Variants in POLR2F observed in about 807,000 individuals in gnomAD.
POLR2F encodes DNA-directed RNA polymerases I, II, and III subunit RPABC2.
In POLR2F, 12 loss-of-function variants were observed where a neutral mutation model predicts 22.7. That is an observed-to-expected ratio of 0.53 (90% CI 0.34 to 0.86). POLR2F has a LOEUF of 0.86. Ranked by LOEUF, POLR2F falls within the 40% of genes least tolerant of loss-of-function variation. The probability of loss-of-function intolerance (pLI) is 0.02; values close to 1 mark genes in which losing one functional copy is unlikely to be tolerated. For synonymous variants in POLR2F, 57 were observed against 66.0 expected, an observed-to-expected ratio of 0.86 and a Z score of 0.66; for missense variants, 126 against 171.5, an observed-to-expected ratio of 0.73 and a Z score of 1.48.
Position 37,997,100 on chromosome 22 carries a change from G to T in POLR2F, c.120+10788G>T, listed in dbSNP as rs949661079. On this transcript the variant is annotated intron_variant, in intron 1 of 2. Coordinates refer to the POLR2F transcript ENST00000333418. This position sits in a 1 kb window ranked among gnomAD's most constrained non-coding sequence, Gnocchi z 4.4. Reference sequence around the variant, plus strand: ...ACAGGTGGCAGGCCGTAGGGAGCAGGGTGCTGCCTGGGGAGGGTGTGTGCT... The same window carrying T: ...ACAGGTGGCAGGCCGTAGGGAGCAGTGTGCTGCCTGGGGAGGGTGTGTGCT... Among the ~76,000 whole-genome samples, 1 of 152,032 alleles carries T rather than the reference G, an allele frequency of 6.6e-6. No homozygotes were observed. Among genetic ancestry groups the T allele is most frequent in the African/African-American group, 2.4e-5 (1 of 41,392 alleles).
At chr22:37,977,539 C>G (rs1004891901) in intron 4 of POLR2F, among the ~76,000 whole-genome samples, 1 of 152,052 alleles carries the variant, frequency 6.6e-6, no homozygotes, top group Non-Finnish European at 1.5e-5. Flanking sequence ...CCAGGATGGT[C>G]TCGATCTCCT....
chr22:37,989,829 C>T (rs865857001), intron 1 of POLR2F, among the ~76,000 whole-genome samples: 1 of 152,218 alleles, frequency 6.6e-6, no homozygotes, highest in African/African-American at 2.4e-5. Context: ...CCTGCCTCCT[C>T]TCCTTGCCTG....
rs566369589 is a variant in POLR2F, at chr22:38,038,420, A to G, written c.453-2648A>G. Among the ~76,000 whole-genome samples, 3 of 152,290 alleles carry G rather than the reference A, an allele frequency of 2.0e-5. No homozygotes were observed. The East Asian group carries it at 5.8e-4, about 30-fold the overall frequency. Reference sequence around the variant, plus strand: ...GAAGCCATGGCTCTGGCCGGGTCACAGGGCGGCTGGGGTTTGACCTGGCGG... The same window carrying G: ...GAAGCCATGGCTCTGGCCGGGTCACGGGGCGGCTGGGGTTTGACCTGGCGG... On this transcript the variant is annotated intron_variant, in intron 5 of 5. Coordinates refer to the POLR2F transcript ENST00000407936.
At chr22:38,001,983 A>G (rs532117666) in intron 1 of POLR2F, among the ~76,000 whole-genome samples, 6 of 151,700 alleles carry the variant, frequency 4.0e-5, no homozygotes, top group African/African-American at 1.5e-4. Flanking sequence ...ACCTGCCACC[A>G]TGCCTGTATT....
intron 5 of POLR2F, chr22:38,032,747 G>C (rs2085078562): frequency 6.6e-6 from 1 of 152,490 alleles, no homozygotes; most frequent in Non-Finnish European, 1.5e-5. Flanking sequence ...ACAGAGGACA[G>C]ACAGTCGAGC....
At chr22:38,011,462 CTT>C (rs76830973) in intron 1 of POLR2F, among the ~76,000 whole-genome samples, 5,265 of 137,056 alleles carry the variant, frequency 0.038, 288 homozygotes, top group African/African-American at 0.13. Flanking sequence ...GGTTATGGTT[CTT>C]TTTTTTTTTT....
At chr22:37,988,882 G>C (rs1226387743) in intron 1 of POLR2F, 4 of 154,548 alleles carry the variant, frequency 2.6e-5, no homozygotes, top group Non-Finnish European at 5.9e-5. Context: ...GGTTATACTG[G>C]GGTATCCGGA....
intron 1 of POLR2F, among the ~76,000 whole-genome samples, chr22:38,001,158 C>T (rs2084765870): frequency 6.6e-6 from 1 of 152,140 alleles, no homozygotes; most frequent in African/African-American, 2.4e-5. Flanking sequence ...CTCTTACTTG[C>T]AAGCTAGTTC....
In POLR2F at chr22:37,968,467, C is replaced by A. The variant is rs1026371628; in HGVS notation, c.*752C>A. 6.1e-6 allele frequency: 6 copies of A among 985,756 alleles called. No homozygotes were observed. The African/African-American group carries it at 1.0e-4, about 17-fold the overall frequency. 61.1% of individuals were successfully genotyped at this position (985,756 alleles called of 1,614,324 possible). A position where few individuals can be genotyped will look rare whatever the true frequency, so the allele number is the denominator to read the frequency against. On this transcript the variant is annotated 3_prime_UTR_variant, in exon 5 of 5. Transcript: ENST00000442738. Reference sequence around the variant, plus strand: ...TTCCCTCCTATTTGGGGCTGGTGATCCCCTGAGGCCTTGGGGACATGGTGC... The same window carrying A: ...TTCCCTCCTATTTGGGGCTGGTGATACCCTGAGGCCTTGGGGACATGGTGC...
At position 37,968,275 on chromosome 22, in the gene POLR2F, T is replaced by G; in HGVS notation, c.*560T>G. 1 of 985,632 alleles carries G rather than the reference T, an allele frequency of 1.0e-6. No homozygotes were observed. The highest frequency in any genetic ancestry group is 1.2e-6 in the Non-Finnish European group (1 of 830,058). The allele number at this position is 985,632 out of a possible 1,614,324, so 61.1% of individuals were successfully genotyped here. A position where few individuals can be genotyped will look rare whatever the true frequency, so the allele number is the denominator to read the frequency against. Reference sequence around the variant, plus strand: ...CTCCCACCCTCCCCAGGCAGAGCCCTGCTGGGCAAGTCAGCAGCTGGAGCA... The same window carrying G: ...CTCCCACCCTCCCCAGGCAGAGCCCGGCTGGGCAAGTCAGCAGCTGGAGCA... On this transcript the variant is annotated 3_prime_UTR_variant, in exon 5 of 5. Transcript: ENST00000442738.
At chr22:38,020,213 A>T (rs12168609) in intron 1 of POLR2F, among the ~76,000 whole-genome samples, 2 of 149,240 alleles carry the variant, frequency 1.3e-5, no homozygotes, top group African/African-American at 5.0e-5. Context: ...ATATACACAC[A>T]CACACACACA....
downstream of POLR2F, chr22:37,970,604 TAAAAAAAAAAAAAAAA>T (rs34693298): frequency 1.7e-5 from 1 of 57,868 alleles, no homozygotes; most frequent in African/African-American, 8.0e-5. Flanking sequence ...AGACTCCATC[TAAAAAAAAAAAAAAAA>T]AAAAAAAAGA....
intron 2 of POLR2F, among the ~76,000 whole-genome samples, chr22:37,958,215 G>T (rs1487707611): frequency 6.7e-6 from 1 of 150,144 alleles, no homozygotes; most frequent in African/African-American, 2.5e-5. Flanking sequence ...TTGAGACGGG[G>T]TCTTGCTCTG....
downstream of POLR2F, among the ~76,000 whole-genome samples, chr22:37,970,288 C>T (rs1364954244): frequency 8.8e-4 from 75 of 85,510 alleles, no homozygotes; most frequent in African/African-American, 1.9e-3. Context: ...AGAGAGACTC[C>T]GTCTCAAAAA....
intron 3 of POLR2F, among the ~76,000 whole-genome samples, chr22:37,965,150 C>T (rs1224432731): frequency 6.6e-6 from 1 of 152,038 alleles, no homozygotes; most frequent in African/African-American, 2.4e-5. Flanking sequence ...GGACTACAGG[C>T]ATGTGCCACC....
At chr22:37,971,398 G>A, downstream of POLR2F, 1 of 437,776 alleles carries the variant, frequency 2.3e-6, no homozygotes, top group South Asian at 1.7e-5. Flanking sequence ...GATATAAGCT[G>A]TTATGAGCTG....
At chr22:37,982,293 T>G (rs549011511), upstream of POLR2F, among the ~76,000 whole-genome samples, 2 of 152,284 alleles carry the variant, frequency 1.3e-5, no homozygotes, top group East Asian at 3.9e-4. Context: ...TTTGCCTTTC[T>G]GGGCCTGTCT....
intron 2 of POLR2F, 186 bp downstream of exon 2, chr22:37,957,028 G>T: frequency 1.6e-6 from 1 of 622,662 alleles, no homozygotes; most frequent in Non-Finnish European, 2.9e-6. Context: ...GGGCCTGAAA[G>T]CTTTTGTCCA....
At chr22:38,037,110 G>A (rs974428237) in intron 5 of POLR2F, among the ~76,000 whole-genome samples, 22 of 152,166 alleles carry the variant, frequency 1.4e-4, no homozygotes, top group African/African-American at 5.1e-4. Context: ...GAGGAGAGAG[G>A]AGAATATCTG....
Sources: allele counts gnomAD v4.1 joint callset (sites outside exome capture counted in the v4.1 genomes callset), GRCh38; gene constraint gnomAD v4.1.1; non-coding constraint Gnocchi (gnomAD v3.1); transcripts MANE v1.5; gene names NCBI Gene and HGNC (gene_info 2026-07-23, HGNC 2026-07-21).